The following DNAH10 variants were observed in gnomAD, a reference collection of about 807,000 sequenced individuals.
DNAH10 encodes dynein axonemal heavy chain 10, also known as axonemal beta dynein heavy chain 10.
In DNAH10, 348 loss-of-function variants were observed where a neutral mutation model predicts 506.6. The ratio of observed to expected loss-of-function variants is 0.69; its 90% CI spans 0.63 to 0.75. The LOEUF is 0.75. DNAH10 is among the 30% of genes least tolerant of loss of function. DNAH10 has a pLI of 0.00. For synonymous variants in DNAH10, 2,059 were observed against 2,198.6 expected, an observed-to-expected ratio of 0.94 and a Z score of 1.78; for missense variants, 5,179 against 5,787.1, an observed-to-expected ratio of 0.89 and a Z score of 3.41.
At chr12:123,875,596 A>T in intron 47 of DNAH10, 105 bp downstream of exon 47, 1 of 1,380,338 alleles carries the variant, frequency 7.2e-7, no homozygotes, top group Non-Finnish European at 9.9e-7. Flanking sequence ...TAGGGCCCTC[A>T]ATACTTTTAA....
At chr12:123,861,886 C>T (rs566663948) in intron 39 of DNAH10, among the ~76,000 whole-genome samples, 1 of 152,342 alleles carries the variant, frequency 6.6e-6, no homozygotes, top group South Asian at 2.1e-4. Context: ...TCTGGATGAA[C>T]CCAGGATTCC....
chr12:123,828,907 C>T (rs777347505), intron 25 of DNAH10, among the ~76,000 whole-genome samples: 32 of 152,016 alleles, frequency 2.1e-4, no homozygotes, highest in Admixed American at 7.2e-4. Context: ...AAGGACTGGG[C>T]GGGAACTGGA....
chr12:123,809,780 C>T (rs775540360), intron 19 of DNAH10, among the ~76,000 whole-genome samples: 25 of 152,170 alleles, frequency 1.6e-4, no homozygotes, highest in Admixed American at 4.6e-4. Flanking sequence ...TCTGTGAGGC[C>T]GCCATGCTCT....
chr12:123,932,783 G>A (rs1955279767), intron 76 of DNAH10: 1 of 152,646 alleles, frequency 6.6e-6, no homozygotes, highest in Non-Finnish European at 1.5e-5. Context: ...GTGAGTCTGA[G>A]CGTATTTTGC....
chr12:123,823,676 C>T (rs368174718), intron 24 of DNAH10, among the ~76,000 whole-genome samples: 5 of 152,240 alleles, frequency 3.3e-5, no homozygotes, highest in South Asian at 2.1e-4. Context: ...TGTTTTGACA[C>T]GGGCATGCAA....
intron 52 of DNAH10, among the ~76,000 whole-genome samples, chr12:123,891,664 C>G (rs1188379076): frequency 6.6e-6 from 1 of 152,148 alleles, no homozygotes; most frequent in East Asian, 1.9e-4. Flanking sequence ...GCAAGTTCCT[C>G]TTTGTCTTTT....
Position 123,842,982 on chromosome 12 carries a change from A to T in DNAH10, c.5360+1437A>T, listed in dbSNP as rs1009779904. 2.0e-5 allele frequency among the ~76,000 whole-genome samples: 3 copies of T among 152,250 alleles called. 1 individual carries two copies. In the East Asian group the frequency reaches 5.8e-4, roughly 29 times the overall value. Reference sequence around the variant, plus strand: ...ACAGAAATCTCTGCCTTCTGTATGTATTAATCACTGAATGTTTTAAATTAT... The same window carrying T: ...ACAGAAATCTCTGCCTTCTGTATGTTTTAATCACTGAATGTTTTAAATTAT... On this transcript the variant is annotated intron_variant, in intron 30 of 78. Transcript: ENST00000673944.
At chr12:123,805,159 CT>C in intron 18 of DNAH10, 119 bp downstream of exon 18, 3 of 1,062,792 alleles carry the variant, frequency 2.8e-6, no homozygotes, top group Non-Finnish European at 4.0e-6. Flanking sequence ...TGGTCAGAGG[CT>C]TTCTGGCAGA....
intron 77 of DNAH10, among the ~76,000 whole-genome samples, chr12:123,933,722 C>T (rs757707100): frequency 3.3e-5 from 5 of 152,196 alleles, no homozygotes; most frequent in African/African-American, 4.8e-5. Flanking sequence ...CCACTTTCTC[C>T]GTTGAGACCT....
chr12:123,912,478 GGGGGGT>G (rs1954264858), intron 59 of DNAH10, among the ~76,000 whole-genome samples: 6 of 94,634 alleles, frequency 6.3e-5, no homozygotes, highest in African/African-American at 2.0e-4. Context: ...CTGTCCTGGG[GGGGGGT>G]CTGTCCTGGG....
chr12:123,762,492 G>C lies in DNAH10; in HGVS notation c.156G>C (p.Gly52=), dbSNP rs748353395. The C allele has an allele frequency of 3.9e-6, 6 of 1,525,914 alleles. No individual in the cohort carries two copies. In the East Asian group the frequency reaches 1.6e-4, roughly 40 times the overall value. 94.5% of individuals were successfully genotyped at this position (1,525,914 alleles called of 1,614,324 possible). A position where few individuals can be genotyped will look rare whatever the true frequency, so the allele number is the denominator to read the frequency against. Residue 52 remains glycine, a synonymous_variant, in exon 1 of 79, where the codon GGG becomes GGC. Transcript: ENST00000673944. The surrounding 1 kb of genome is among the most constrained non-coding windows in gnomAD (Gnocchi z 5.0). ...TCAACCAGGCGAGCGAGGAGGAGGG[G>C]CCCTCGGCGCTCTTCATCTACCGCA... ...HFLNQASEEE[G]PSALFIYRTM... is the part of the protein sequence containing the mutation.
chr12:123,833,179 CACACAGGA>C lies in DNAH10; in HGVS notation c.4612_4619del (p.Thr1538AlafsTer9), dbSNP rs773454543. ...TCACTGTAGTCAAGTATTGCAAAGG[CACACAGGA>C]GCGAGGCTACATCCTGGGTTCTGTT... On this transcript the variant is annotated frameshift_variant, in exon 27 of 79. Transcript: ENST00000673944. LOFTEE classifies it high-confidence loss of function. 214 of 1,613,740 alleles carry C rather than the reference CACACAGGA, an allele frequency of 1.3e-4. No individual in the cohort carries two copies. The highest frequency in any genetic ancestry group is 1.7e-4 in the Non-Finnish European group (202 of 1,179,854).
chr12:123,777,982 G>A (rs1159691587), intron 5 of DNAH10, among the ~76,000 whole-genome samples: 1 of 152,046 alleles, frequency 6.6e-6, no homozygotes, highest in African/African-American at 2.4e-5. Context: ...ACCTTCTTAT[G>A]CAAACTGAAC....
intron 2 of DNAH10, among the ~76,000 whole-genome samples, chr12:123,768,699 C>T (rs1448760629): frequency 6.6e-6 from 1 of 152,218 alleles, no homozygotes; most frequent in Non-Finnish European, 1.5e-5. Flanking sequence ...GTGCAAGCTA[C>T]AGATGCCATT....
At position 123,916,830 on chromosome 12, in the gene DNAH10, A is replaced by G; in HGVS notation, c.11002+94A>G. 7.0e-7 allele frequency: 1 copy of G among 1,427,190 alleles called. No individual in the cohort carries two copies. The highest frequency in any genetic ancestry group is 9.4e-7 in the Non-Finnish European group (1 of 1,068,154). 88.4% of individuals were successfully genotyped at this position (1,427,190 alleles called of 1,614,324 possible). Reference sequence around the variant, plus strand: ...GCATTCATGGGACATCATTTCACTCAGTGACCCCAGATCATTCTCTCATAG... The same window carrying G: ...GCATTCATGGGACATCATTTCACTCGGTGACCCCAGATCATTCTCTCATAG... On this transcript the variant is annotated intron_variant, in intron 63 of 78. Coordinates refer to ENST00000673944, the MANE Select transcript of DNAH10 (RefSeq NM_001372106.1). This position sits in a 1 kb window ranked among gnomAD's most constrained non-coding sequence, Gnocchi z 4.6.
chr12:123,796,053 G>T (rs1958264555), intron 12 of DNAH10, among the ~76,000 whole-genome samples: 1 of 152,132 alleles, frequency 6.6e-6, no homozygotes, highest in South Asian at 2.1e-4. Flanking sequence ...TGCCACTGTG[G>T]TCATGTCTAG....
At chr12:123,894,014 A>G (rs1223609488) in intron 53 of DNAH10, among the ~76,000 whole-genome samples, 1 of 150,758 alleles carries the variant, frequency 6.6e-6, no homozygotes, top group Non-Finnish European at 1.5e-5. Flanking sequence ...TGGCTCATTC[A>G]CCAACTTGTT....
chr12:123,879,889 G>A (rs764820233), intron 50 of DNAH10, 88 bp downstream of exon 50: 7 of 1,478,136 alleles, frequency 4.7e-6, no homozygotes, highest in South Asian at 1.3e-5. Context: ...GTGCCCGGGA[G>A]CCTATCACCT....
At chr12:123,771,511 TG>T in intron 2 of DNAH10, 89 bp from the exon 3 acceptor site, 2 of 1,028,850 alleles carry the variant, frequency 1.9e-6, no homozygotes, top group Non-Finnish European at 3.0e-6. Context: ...TTGAATGAAA[TG>T]TACTGGTGCA....
Sources: gnomAD v4.1 joint callset for allele counts (sites outside exome capture counted in the v4.1 genomes callset) on GRCh38, gnomAD v4.1.1 for gene constraint, Gnocchi (gnomAD v3.1) non-coding constraint, MANE v1.5 for transcripts, NCBI Gene and HGNC (gene_info 2026-07-23, HGNC 2026-07-21) for gene names.